The following MCC variants were observed in gnomAD, a reference collection of about 807,000 sequenced individuals.
MCC encodes the protein colorectal mutant cancer protein.
MCC carries 90 observed loss-of-function variants against 116.2 expected under a neutral mutation model. That is an observed-to-expected ratio of 0.77 (90% CI 0.65 to 0.92). The LOEUF is 0.92. MCC is among the 40% of genes least tolerant of loss of function. The probability of loss-of-function intolerance (pLI) is 0.00; values close to 1 mark genes in which losing one functional copy is unlikely to be tolerated. For missense variants in MCC, 1,516 were observed against 1,312.2 expected (o/e 1.16, Z -2.40); for synonymous variants, 578 against 510.5 (o/e 1.13, Z -1.78).
Position 113,339,368 on chromosome 5 carries a change from C to G in MCC, c.627+1151G>C, listed in dbSNP as rs182083452. Among the ~76,000 whole-genome samples the G allele has an allele frequency of 2.9e-4, 44 of 151,596 alleles. 1 individual carries two copies. The highest frequency in any genetic ancestry group is 6.8e-3 in the Middle Eastern group (2 of 294). ...GTCATAATAAACTGATGTTGACACA[C>G]TATTATTAACTAAAGTCCATATTTT... On this transcript the variant is annotated intron_variant, in intron 3 of 18. Coordinates refer to ENST00000408903, the MANE Select transcript of MCC (RefSeq NM_001085377.2).
chr5:113,201,999 C>T (rs1378958810), intron 3 of MCC, among the ~76,000 whole-genome samples: 2 of 152,102 alleles, frequency 1.3e-5, no homozygotes, highest in African/African-American at 4.8e-5. Context: ...TCTTTCCCTC[C>T]CAGTTTTTAC....
intron 3 of MCC, among the ~76,000 whole-genome samples, chr5:113,205,109 TTC>T (rs1286921216): frequency 6.6e-6 from 1 of 152,168 alleles, no homozygotes; most frequent in Non-Finnish European, 1.5e-5. Flanking sequence ...TTTTCCTCCT[TTC>T]TCTCTCCCTC....
intron 13 of MCC, among the ~76,000 whole-genome samples, chr5:113,064,459 C>G (rs930926907): frequency 6.6e-6 from 1 of 152,228 alleles, no homozygotes; most frequent in Non-Finnish European, 1.5e-5. Flanking sequence ...CTAACACGCT[C>G]TGATTTTTCT....
chr5:113,136,295 A>C (rs1758820983), intron 5 of MCC, among the ~76,000 whole-genome samples: 1 of 152,196 alleles, frequency 6.6e-6, no homozygotes, highest in African/African-American at 2.4e-5. Context: ...TCTACTCCTG[A>C]AGAAGTCTGC....
intron 1 of MCC, among the ~76,000 whole-genome samples, chr5:113,397,969 T>C (rs1769572341): frequency 6.6e-6 from 1 of 152,140 alleles, no homozygotes; most frequent in Non-Finnish European, 1.5e-5. Flanking sequence ...CCACAATCTA[T>C]AAGGAGCTTA....
chr5:113,022,617 A>AGT lies in MCC; in HGVS notation c.*4683_*4684dup, dbSNP rs1394970040. ...TGCCATTCCTGACATGAGCACTATA[A>AGT]GTGAATACTATGAGTTCTACAAACA... On this transcript the variant is annotated 3_prime_UTR_variant, in exon 19 of 19. Coordinates refer to ENST00000408903, the MANE Select transcript of MCC (RefSeq NM_001085377.2). 2.0e-5 allele frequency: 3 copies of AGT among 152,364 alleles called. No individual in the cohort carries two copies. The East Asian group carries it at 5.8e-4, about 29-fold the overall frequency. 9.4% of individuals were successfully genotyped at this position (152,364 alleles called of 1,614,324 possible). A position where few individuals can be genotyped will look rare whatever the true frequency, so the allele number is the denominator to read the frequency against.
intron 1 of MCC, among the ~76,000 whole-genome samples, chr5:113,445,100 T>C (rs1771170683): frequency 6.6e-6 from 1 of 152,186 alleles, no homozygotes; most frequent in African/African-American, 2.4e-5. Flanking sequence ...TCTTGGAGTA[T>C]GGTCATGGTC....
intron 3 of MCC, among the ~76,000 whole-genome samples, chr5:113,156,096 T>A (rs982890392): frequency 6.6e-6 from 1 of 152,178 alleles, no homozygotes. Flanking sequence ...GAAAGGTGCC[T>A]CAGTCCCTAG....
intron 2 of MCC, among the ~76,000 whole-genome samples, chr5:113,350,284 G>C (rs1204727107): frequency 6.6e-6 from 1 of 152,012 alleles, no homozygotes; most frequent in Non-Finnish European, 1.5e-5. Flanking sequence ...CACAATACCT[G>C]ACTTCCAATT....
chr5:113,281,061 C>T (rs1766029610), intron 3 of MCC, among the ~76,000 whole-genome samples: 2 of 152,228 alleles, frequency 1.3e-5, no homozygotes, highest in Non-Finnish European at 2.9e-5. Flanking sequence ...CCACTTCCTC[C>T]TTTTGACCAT....
At chr5:113,145,393 G>A (rs1404705439) in intron 4 of MCC, among the ~76,000 whole-genome samples, 1 of 152,070 alleles carries the variant, frequency 6.6e-6, no homozygotes, top group African/African-American at 2.4e-5. Context: ...ATTCCGTCTA[G>A]GGCTACAAAT....
At chr5:113,210,077 C>G (rs73244748) in intron 3 of MCC, among the ~76,000 whole-genome samples, 3,169 of 152,240 alleles carry the variant, frequency 0.021, 105 homozygotes, top group African/African-American at 0.072. Flanking sequence ...GTGATATACC[C>G]TATGACATTC....
Position 113,207,703 on chromosome 5 carries a change from C to G in MCC, c.628-56281G>C, listed in dbSNP as rs186257010. Among the ~76,000 whole-genome samples, 413 of 152,310 alleles carry G rather than the reference C, an allele frequency of 2.7e-3. 2 individuals carry two copies. Among genetic ancestry groups the G allele is most frequent in the Non-Finnish European group, 4.5e-3 (305 of 68,028 alleles). On this transcript the variant is annotated intron_variant, in intron 3 of 18. Coordinates refer to ENST00000408903, the MANE Select transcript of MCC (RefSeq NM_001085377.2). ...TATGAGCACATTTACAAAAATTATA[C>G]TCACACACCTTTTCAGAGTTATACC... is the stretch of plus-strand genomic sequence containing the variant.
chr5:113,347,671 G>A (rs1261469547), intron 2 of MCC, among the ~76,000 whole-genome samples: 3 of 151,784 alleles, frequency 2.0e-5, no homozygotes, highest in East Asian at 3.9e-4. Context: ...AGGAAGAGAA[G>A]GCCACAAAAT....
At chr5:113,438,493 A>G (rs541702835) in intron 1 of MCC, among the ~76,000 whole-genome samples, 5 of 152,316 alleles carry the variant, frequency 3.3e-5, no homozygotes, top group South Asian at 4.1e-4. Context: ...TATATAAGGA[A>G]AAAAGGTATG....
At chr5:113,433,485 C>A (rs931187771) in intron 1 of MCC, 1 of 616,622 alleles carries the variant, frequency 1.6e-6, no homozygotes, top group East Asian at 2.8e-5. Context: ...GTGTCCAGCA[C>A]CTGCTCCGGG....
At chr5:113,283,633 CAA>C (rs1390501490) in intron 3 of MCC, among the ~76,000 whole-genome samples, 2 of 152,124 alleles carry the variant, frequency 1.3e-5, no homozygotes, top group Non-Finnish European at 1.5e-5. Flanking sequence ...GCAAACCAGC[CAA>C]AGAGTAAGCT....
chr5:113,122,866 A>G (rs1160320627), intron 5 of MCC, 40 bp from the exon 6 acceptor site: 7 of 1,600,218 alleles, frequency 4.4e-6, no homozygotes, highest in South Asian at 1.1e-5. Context: ...AACAGAGGAT[A>G]TAAGACAACC....
At chr5:113,440,489 A>C (rs1771003036) in intron 1 of MCC, among the ~76,000 whole-genome samples, 1 of 152,174 alleles carries the variant, frequency 6.6e-6, no homozygotes, top group Admixed American at 6.5e-5. Context: ...CAAACGTTGC[A>C]TCTTATTGGT....
Sources: allele counts gnomAD v4.1 joint callset (sites outside exome capture counted in the v4.1 genomes callset), GRCh38; gene constraint gnomAD v4.1.1; transcripts MANE v1.5; gene names NCBI Gene and HGNC (gene_info 2026-07-23, HGNC 2026-07-21).